The following IZUMO2 variants were observed in gnomAD, a reference collection of about 807,000 sequenced individuals.
The protein encoded by IZUMO2 is IZUMO family member 2.
Under a neutral mutation model 31.2 loss-of-function variants are expected in IZUMO2, and 24 were observed. That is an observed-to-expected ratio of 0.77 (90% CI 0.56 to 1.08). The LOEUF is 1.08. Among genes scored for constraint, IZUMO2 ranks in the 50% least tolerant of loss-of-function variants. IZUMO2 has a pLI of 0.00. For missense variants in IZUMO2, 278 were observed against 274.0 expected, an observed-to-expected ratio of 1.01 and a Z score of -0.10; for synonymous variants, 144 against 117.3, an observed-to-expected ratio of 1.23 and a Z score of -1.47.
Position 50,162,805 on chromosome 19 carries a change from G to A in IZUMO2, c.241C>T (p.Gln81Ter). The A allele has an allele frequency of 6.2e-7, 1 of 1,613,718 alleles. No individual in the cohort carries two copies. Among genetic ancestry groups the A allele is most frequent in the Non-Finnish European group, 8.5e-7 (1 of 1,179,902 alleles). Reference protein sequence around the residue: ...NVFVGKVETNQLDLVASFVKN... With the variant: ...NVFVGKVETN ...ACAAAGGACGCCACAAGGTCCAGTTGATTTGTCTCTGGGGGGAGAAGGGAG... is the reference window on the plus strand; with the variant it reads ...ACAAAGGACGCCACAAGGTCCAGTTAATTTGTCTCTGGGGGGAGAAGGGAG... The change falls in exon 2 of 7, where the codon CAA becomes TAA. Residue 81 changes from glutamine to a stop codon, truncating the protein, a stop_gained. Transcript: ENST00000293405. LOFTEE classifies it high-confidence loss of function.
rs780727570 is a variant in IZUMO2 at position 50,162,995 on chromosome 19, TC to T, written c.199del (p.Asp67ThrfsTer4). On this transcript the variant is annotated frameshift_variant, in exon 1 of 7. Coordinates refer to ENST00000293405, the MANE Select transcript of IZUMO2 (RefSeq NM_152358.3). LOFTEE classifies it high-confidence loss of function. Reference sequence around the variant, plus strand: ...CCCCACAAACACGTTCAGCGCGTAGTCCCGGAAGAAAGGCCCCTCCATGCCC... The same window carrying T: ...CCCCACAAACACGTTCAGCGCGTAGTCCGGAAGAAAGGCCCCTCCATGCCC... ...LMGMEGPFFRDYALNVFVGKV... is the reference protein window; with the variant it reads ...LMGMEGPFFRXYALNVFVGKV... 1 of 1,611,852 alleles carries T rather than the reference TC, an allele frequency of 6.2e-7. No homozygotes were observed. Among genetic ancestry groups the T allele is most frequent in the South Asian group, 1.1e-5 (1 of 90,998 alleles).
chr19:50,160,493 T>TC (rs1441208820), intron 2 of IZUMO2: 1 of 151,978 alleles, frequency 6.6e-6, no homozygotes, highest in Non-Finnish European at 1.5e-5. Flanking sequence ...ATTTTTTTTT[T>TC]TTTTTTCAAA....
Position 50,163,280 on chromosome 19 carries a change from A to G in IZUMO2, c.-86T>C, listed in dbSNP as rs1015520166. The G allele has an allele frequency of 3.2e-6, 3 of 949,608 alleles. No individual in the cohort carries two copies. The highest frequency in any genetic ancestry group is 4.8e-6 in the Non-Finnish European group (3 of 620,098). The allele number at this position is 949,608 out of a possible 1,614,324, so 58.8% of individuals were successfully genotyped here. A position where few individuals can be genotyped will look rare whatever the true frequency, so the allele number is the denominator to read the frequency against. ...GCGGTCAGGAGGCCCAGGGAGCATC[A>G]CGGTGTTACAGGCACGTGTTCGCTG... is the stretch of plus-strand genomic sequence containing the variant. On this transcript the variant is annotated 5_prime_UTR_variant, in exon 1 of 7. Transcript: ENST00000293405.
chr19:50,154,577 A>G (rs1337290793), intron 6 of IZUMO2, 23 bp downstream of exon 6: 3 of 1,613,130 alleles, frequency 1.9e-6, no homozygotes, highest in Non-Finnish European at 2.5e-6. Context: ...CGGGGGACTG[A>G]GGAGGGGGCA....
chr19:50,163,276 C>T lies in IZUMO2; in HGVS notation c.-82G>A. On this transcript the variant is annotated 5_prime_UTR_variant, in exon 1 of 7. It removes an upstream start codon present in the reference 5' UTR. Transcript: ENST00000293405. ...GGGCGCGGTCAGGAGGCCCAGGGAGCATCACGGTGTTACAGGCACGTGTTC... is the reference window on the plus strand; with the variant it reads ...GGGCGCGGTCAGGAGGCCCAGGGAGTATCACGGTGTTACAGGCACGTGTTC... The T allele has an allele frequency of 4.0e-6, 4 of 1,006,968 alleles. No homozygotes were observed. The highest frequency in any genetic ancestry group is 6.0e-6 in the Non-Finnish European group (4 of 671,442). The allele number at this position is 1,006,968 out of a possible 1,614,324, so 62.4% of individuals were successfully genotyped here.
At chr19:50,154,907 C>T (rs2030164317) in intron 5 of IZUMO2, among the ~76,000 whole-genome samples, 181 bp from the exon 6 acceptor site, 1 of 152,170 alleles carries the variant, frequency 6.6e-6, no homozygotes, top group Non-Finnish European at 1.5e-5. Context: ...ATCCATTCCT[C>T]TAGTGCTCTG....
intron 6 of IZUMO2, among the ~76,000 whole-genome samples, chr19:50,154,032 C>T (rs2030119376): frequency 1.4e-5 from 2 of 144,844 alleles, no homozygotes; most frequent in Admixed American, 1.4e-4. Context: ...AGGGCACAAG[C>T]ATAAAGAGGC....
At chr19:50,157,304 T>A (rs1388986431) in intron 5 of IZUMO2, among the ~76,000 whole-genome samples, 2 of 648 alleles carry the variant, frequency 3.1e-3, no homozygotes, top group East Asian at 0.1. Context: ...TCATTATACT[T>A]TTTTTTTTTT....
Position 50,158,247 on chromosome 19 carries a change from C to T in IZUMO2, c.496+21G>A, listed in dbSNP as rs374964763. On this transcript the variant is annotated intron_variant, in intron 5 of 6. Transcript: ENST00000293405. ...CTCTTGCACGCCTGTCCCATGTCTT[C>T]CCCCACCCCCAGAAGCTTACCAAAG... 21 of 1,549,356 alleles carry T rather than the reference C, an allele frequency of 1.4e-5. No individual in the cohort carries two copies. The African/African-American group carries it at 1.8e-4, about 13-fold the overall frequency.
At position 50,154,707 on chromosome 19, in the gene IZUMO2, C is replaced by G. The variant is rs201333374; in HGVS notation, c.516G>C (p.Val172=). 2 of 1,613,842 alleles carry G rather than the reference C, an allele frequency of 1.2e-6. No homozygotes were observed. The highest frequency in any genetic ancestry group is 1.3e-5 in the African/African-American group (1 of 74,892). Residue 172 remains valine (V), a synonymous_variant, in exon 6 of 7, where the codon GTG becomes GTC. Transcript: ENST00000293405. ...KYCFVDRQPR[V]ALQYQMDSKY... ...TGCTGTCCATCTGGTACTGCAGGGC[C>G]ACGCGGGGTTGCCGGTCGACTGGGG...
chr19:50,163,035 C>T lies in IZUMO2; in HGVS notation c.160G>A (p.Gly54Arg), dbSNP rs1257016185. 1.9e-6 allele frequency: 3 copies of T among 1,612,758 alleles called. No homozygotes were observed. The highest frequency in any genetic ancestry group is 2.2e-5 in the East Asian group (1 of 44,828). Residue 54 changes from glycine (G) to arginine (R), a missense_variant, in exon 1 of 7, where the codon GGG (glycine) becomes AGG (arginine). By Grantham distance (125) the Gly-to-Arg change is moderately radical. Coordinates refer to ENST00000293405, the MANE Select transcript of IZUMO2 (RefSeq NM_152358.3). ...CCCTCCATGCCCATCAGCACGGCCC[C>T]GGCGCGCGCCTGCAGCTGCTCCAAC... Reference protein sequence around the residue: ...FQLEQLQARAGAVLMGMEGPF... With the variant: ...FQLEQLQARARAVLMGMEGPF...
intron 6 of IZUMO2, among the ~76,000 whole-genome samples, chr19:50,153,960 A>T (rs758986055): frequency 5.1e-5 from 7 of 137,720 alleles, no homozygotes; most frequent in Non-Finnish European, 9.3e-5. Context: ...AGAGAGAGAG[A>T]GAGAGAAATT....
chr19:50,152,682 A>C, intron 6 of IZUMO2, 31 bp from the exon 7 acceptor site: 1 of 1,586,718 alleles, frequency 6.3e-7, no homozygotes. Flanking sequence ...TGTAGATTAG[A>C]ATGAGAATTT....
rs71180675 is a variant in IZUMO2, at chr19:50,154,264, GTTT to G, written c.623+333_623+335del. 6.1e-4 allele frequency among the ~76,000 whole-genome samples: 48 copies of G among 79,286 alleles called. 8 individuals carry two copies. Among genetic ancestry groups the G allele is most frequent in the Admixed American group, 1.0e-3 (6 of 5,762 alleles). 52.0% of individuals were successfully genotyped at this position (79,286 alleles called of 152,430 possible). A position where few individuals can be genotyped will look rare whatever the true frequency, so the allele number is the denominator to read the frequency against. On this transcript the variant is annotated intron_variant, in intron 6 of 6. Coordinates refer to ENST00000293405, the MANE Select transcript of IZUMO2 (RefSeq NM_152358.3). The stretch of plus-strand genomic sequence containing the variant: ...GCATCCACCAAATATAACTTTTAGC[GTTT>G]TTTTTTTTTTTTTTTTTTTTTTTTT...
At chr19:50,159,110 G>A in intron 4 of IZUMO2, 120 bp downstream of exon 4, 2 of 945,158 alleles carry the variant, frequency 2.1e-6, no homozygotes, top group Non-Finnish European at 3.4e-6. Context: ...AGGTACCATG[G>A]CTTTGGGGTA....
At chr19:50,162,871 A>AC in intron 1 of IZUMO2, 58 bp from the exon 2 acceptor site, 1 of 1,601,060 alleles carries the variant, frequency 6.2e-7, no homozygotes, top group Non-Finnish European at 8.6e-7. Flanking sequence ...AAGTGACCTC[A>AC]CCCCCTCCAG....
Position 50,159,224 on chromosome 19 carries a change from A to G in IZUMO2, c.415+6T>C, listed in dbSNP as rs1445433851. On this transcript the variant is annotated splice_donor_region_variant and intron_variant, in intron 4 of 6. Transcript: ENST00000293405. ...AGAAGGGAGAGATAGACGATCCAGA[A>G]CTCACGGCAAAGTTTGGGGTTGCAG... 6.2e-7 allele frequency: 1 copy of G among 1,610,724 alleles called. No individual in the cohort carries two copies. Among genetic ancestry groups the G allele is most frequent in the Non-Finnish European group, 8.5e-7 (1 of 1,179,146 alleles).
intron 6 of IZUMO2, among the ~76,000 whole-genome samples, 161 bp downstream of exon 6, chr19:50,154,439 A>T (rs1201515924): frequency 6.7e-6 from 1 of 150,064 alleles, no homozygotes; most frequent in Non-Finnish European, 1.5e-5. Context: ...GGCGGGAGGG[A>T]GAAGAGGGAG....
chr19:50,159,238 T>A lies in IZUMO2; in HGVS notation c.407A>T (p.Lys136Ile). ...GACGATCCAGAACTCACGGCAAAGT[T>A]TGGGGTTGCAGGCTGCAAGAGAAAA... ...ISYELKACNPKLCRLLKEEVL... is the reference protein window; with the variant it reads ...ISYELKACNPILCRLLKEEVL... The change falls in exon 4 of 7, where the codon AAA becomes ATA. Residue 136 changes from lysine (K) to isoleucine (I), a missense_variant. Physicochemically the swap from Lys to Ile is moderately radical, Grantham distance 102 (BLOSUM62 -3). Transcript: ENST00000293405. The A allele has an allele frequency of 1.2e-6, 2 of 1,610,800 alleles. No homozygotes were observed. Among genetic ancestry groups the A allele is most frequent in the Non-Finnish European group, 1.7e-6 (2 of 1,179,230 alleles).
Sources: gnomAD v4.1 joint callset for allele counts (sites outside exome capture counted in the v4.1 genomes callset) on GRCh38, gnomAD v4.1.1 for gene constraint, MANE v1.5 for transcripts, NCBI Gene and HGNC (gene_info 2026-07-23, HGNC 2026-07-21) for gene names.